Variants in CDC14B observed in about 807,000 individuals in gnomAD.
CDC14B encodes dual specificity protein phosphatase CDC14B.
A neutral mutation model predicts 64.2 loss-of-function variants in CDC14B; 22 were observed. That is an observed-to-expected ratio of 0.34 (90% CI 0.24 to 0.49). The LOEUF is 0.49. Ranked by LOEUF, CDC14B falls within the 20% of genes least tolerant of loss-of-function variation. The pLI is 0.99. For missense variants in CDC14B, 498 were observed against 629.9 expected (o/e 0.79, Z 2.24); for synonymous variants, 191 against 215.8 (o/e 0.89, Z 1.01).
intron 4 of CDC14B, among the ~76,000 whole-genome samples, chr9:96,556,674 T>A (rs1047226246): frequency 6.6e-6 from 1 of 152,050 alleles, no homozygotes; most frequent in African/African-American, 2.4e-5. Context: ...ATCTACCAAG[T>A]CTGCTAATAA....
intron 9 of CDC14B, among the ~76,000 whole-genome samples, chr9:96,533,159 G>T (rs1467944744): frequency 6.6e-6 from 1 of 152,118 alleles, no homozygotes; most frequent in Non-Finnish European, 1.5e-5. Flanking sequence ...AGTAGAGACA[G>T]GGTTTCACTA....
At chr9:96,518,386 G>T (rs2131453576) in intron 12 of CDC14B, among the ~76,000 whole-genome samples, 1 of 152,166 alleles carries the variant, frequency 6.6e-6, no homozygotes, top group East Asian at 1.9e-4. Context: ...GTGGTGGCGT[G>T]TGCCTGTATT....
intron 5 of CDC14B, among the ~76,000 whole-genome samples, chr9:96,547,061 C>CA (rs1478027617): frequency 6.7e-6 from 1 of 148,510 alleles, no homozygotes; most frequent in Admixed American, 6.7e-5. Flanking sequence ...GACTCCGACT[C>CA]AAAAAAAAGT....
chr9:96,579,307 G>A (rs1451371479), intron 1 of CDC14B, among the ~76,000 whole-genome samples: 1 of 151,994 alleles, frequency 6.6e-6, no homozygotes, highest in Admixed American at 6.6e-5. Flanking sequence ...AGAGATACAG[G>A]CCAGGCGCAG....
intron 1 of CDC14B, among the ~76,000 whole-genome samples, chr9:96,584,127 G>A (rs2118432267): frequency 6.6e-6 from 1 of 152,306 alleles, no homozygotes; most frequent in East Asian, 1.9e-4. Flanking sequence ...CAAAATGCAA[G>A]AGCTAAGCTT....
intron 9 of CDC14B, among the ~76,000 whole-genome samples, chr9:96,533,646 C>T (rs1306626132): frequency 6.6e-6 from 1 of 152,136 alleles, no homozygotes; most frequent in African/African-American, 2.4e-5. Context: ...TTAAGACAGG[C>T]TCTTACAGTC....
intron 12 of CDC14B, among the ~76,000 whole-genome samples, chr9:96,514,008 G>A (rs968146792): frequency 2.0e-5 from 3 of 152,192 alleles, no homozygotes; most frequent in African/African-American, 7.2e-5. Context: ...ACATGGGGGT[G>A]CTACAAAGAT....
intron 1 of CDC14B, among the ~76,000 whole-genome samples, chr9:96,598,659 C>T (rs56972440): frequency 0.023 from 3,459 of 152,172 alleles, 135 homozygotes; most frequent in African/African-American, 0.078. Context: ...TTAAAAAAAA[C>T]TATTCTCATA....
intron 1 of CDC14B, chr9:96,618,375 C>T (rs532781130): frequency 7.5e-5 from 32 of 425,582 alleles, no homozygotes; most frequent in Non-Finnish European, 1.4e-4. Flanking sequence ...ACATTTAATG[C>T]CTTCACACGC....
intron 6 of CDC14B, among the ~76,000 whole-genome samples, chr9:96,540,621 A>G (rs1839920150): frequency 6.6e-6 from 1 of 152,050 alleles, no homozygotes; most frequent in Non-Finnish European, 1.5e-5. Flanking sequence ...AAAAAGCCAA[A>G]AAATAATAAT....
chr9:96,608,236 T>G (rs965813429), intron 1 of CDC14B, among the ~76,000 whole-genome samples: 1 of 152,364 alleles, frequency 6.6e-6, no homozygotes, highest in African/African-American at 2.4e-5. Flanking sequence ...TAGTGCTGTA[T>G]GCCCTTTCAG....
At chr9:96,497,293 G>A (rs1470768984), downstream of CDC14B, among the ~76,000 whole-genome samples, 7 of 105,334 alleles carry the variant, frequency 6.6e-5, no homozygotes, top group Non-Finnish European at 1.3e-4. Context: ...TAGAGGCGGG[G>A]AGGCAGGGGC....
At chr9:96,505,890 T>G (rs1471791641) in intron 13 of CDC14B, among the ~76,000 whole-genome samples, 10 of 152,374 alleles carry the variant, frequency 6.6e-5, no homozygotes, top group Non-Finnish European at 1.5e-4. Flanking sequence ...GTGGCACCTT[T>G]TCCCAAAGAC....
intron 1 of CDC14B, among the ~76,000 whole-genome samples, chr9:96,603,709 T>C (rs1048527085): frequency 1.8e-4 from 28 of 152,202 alleles, no homozygotes; most frequent in African/African-American, 6.5e-4. Flanking sequence ...AGATTAGCAC[T>C]ATGACTTATT....
intron 9 of CDC14B, among the ~76,000 whole-genome samples, chr9:96,524,164 A>T (rs1220377606): frequency 6.6e-6 from 1 of 152,098 alleles, no homozygotes; most frequent in Non-Finnish European, 1.5e-5. Flanking sequence ...TCTCAAACTC[A>T]CCTCACCTCA....
intron 1 of CDC14B, among the ~76,000 whole-genome samples, chr9:96,583,911 G>T (rs1202298898): frequency 6.6e-6 from 1 of 151,940 alleles, no homozygotes; most frequent in Non-Finnish European, 1.5e-5. Flanking sequence ...GTAGAGACGG[G>T]GTTTCAGCAT....
intron 12 of CDC14B, among the ~76,000 whole-genome samples, chr9:96,510,278 T>G (rs1834733868): frequency 6.6e-6 from 1 of 152,212 alleles, no homozygotes; most frequent in Non-Finnish European, 1.5e-5. Context: ...CGTTTCAAAA[T>G]TTTAGAAAGT....
At chr9:96,585,290 C>T (rs1845395447) in intron 1 of CDC14B, among the ~76,000 whole-genome samples, 1 of 151,536 alleles carries the variant, frequency 6.6e-6, no homozygotes, top group Non-Finnish European at 1.5e-5. Flanking sequence ...TTTGCTGCAC[C>T]CATCAACCCG....
intron 1 of CDC14B, among the ~76,000 whole-genome samples, chr9:96,604,604 T>C (rs890704065): frequency 1.3e-5 from 2 of 151,252 alleles, no homozygotes; most frequent in African/African-American, 4.9e-5. Flanking sequence ...GGTCTCAAAC[T>C]CCCGACCTCA....
Sources: gnomAD v4.1 joint callset for allele counts (sites outside exome capture counted in the v4.1 genomes callset) on GRCh38, gnomAD v4.1.1 for gene constraint, MANE v1.5 for transcripts, NCBI Gene and HGNC (gene_info 2026-07-23, HGNC 2026-07-21) for gene names.